Variants in PCSK2 observed in about 807,000 individuals in gnomAD.
The protein encoded by PCSK2 is proprotein convertase subtilisin/kexin type 2, also known as neuroendocrine convertase 2.
A neutral mutation model predicts 69.7 loss-of-function variants in PCSK2; 14 were observed. That is an observed-to-expected ratio of 0.20 (90% CI 0.13 to 0.31). PCSK2 has a LOEUF of 0.31. Ranked by LOEUF, PCSK2 falls within the 10% of genes least tolerant of loss-of-function variation. The pLI, the probability that PCSK2 is intolerant of heterozygous loss-of-function variation, is 1.00. For synonymous variants in PCSK2, 307 were observed against 320.7 expected, an observed-to-expected ratio of 0.96 and a Z score of 0.46; for missense variants, 544 against 842.5, an observed-to-expected ratio of 0.65 and a Z score of 4.39.
At chr20:17,448,942 T>G (rs1338749336) in intron 8 of PCSK2, among the ~76,000 whole-genome samples, 1 of 150,934 alleles carries the variant, frequency 6.6e-6, no homozygotes, top group East Asian at 2.0e-4. Context: ...TGCAGTGGTG[T>G]GATTATAGCT....
chr20:17,312,315 A>G (rs1277154679), intron 2 of PCSK2, among the ~76,000 whole-genome samples: 1 of 152,182 alleles, frequency 6.6e-6, no homozygotes, highest in African/African-American at 2.4e-5. Flanking sequence ...TAATTTCTCT[A>G]GAAGTAAATC....
At chr20:17,275,983 G>T (rs1988058239) in intron 2 of PCSK2, among the ~76,000 whole-genome samples, 1 of 152,026 alleles carries the variant, frequency 6.6e-6, no homozygotes, top group African/African-American at 2.4e-5. Context: ...TATCTGAAAG[G>T]TTGATGTGAG....
chr20:17,409,200 A>C, intron 5 of PCSK2, 63 bp from the exon 6 acceptor site: 1 of 1,242,668 alleles, frequency 8.0e-7, no homozygotes, highest in Non-Finnish European at 1.2e-6. Flanking sequence ...AAAGTCTCCC[A>C]GCGCTTTCCC....
chr20:17,333,725 T>C (rs1990263473), intron 2 of PCSK2, among the ~76,000 whole-genome samples: 1 of 151,952 alleles, frequency 6.6e-6, no homozygotes, highest in Admixed American at 6.6e-5. Flanking sequence ...AAATTCTGCC[T>C]CATCCACTTT....
At chr20:17,463,136 G>C (rs940728868) in intron 10 of PCSK2, among the ~76,000 whole-genome samples, 1 of 151,812 alleles carries the variant, frequency 6.6e-6, no homozygotes, top group Non-Finnish European at 1.5e-5. Flanking sequence ...TCTCTCTCAT[G>C]CTCTCTCTCT....
intron 2 of PCSK2, among the ~76,000 whole-genome samples, chr20:17,288,964 A>G (rs2123061873): frequency 6.6e-6 from 1 of 152,350 alleles, no homozygotes; most frequent in Middle Eastern, 3.4e-3. Flanking sequence ...CGCAAAGGAA[A>G]GCTGCGTTCT....
chr20:17,259,198 G>A (rs1412111684), intron 1 of PCSK2, among the ~76,000 whole-genome samples: 2 of 152,092 alleles, frequency 1.3e-5, no homozygotes, highest in African/African-American at 4.8e-5. Context: ...AATACTTTGA[G>A]TAGTGGAATG....
At chr20:17,388,597 G>A (rs543551623) in intron 5 of PCSK2, among the ~76,000 whole-genome samples, 4 of 152,012 alleles carry the variant, frequency 2.6e-5, no homozygotes, top group South Asian at 2.1e-4. Flanking sequence ...ATCACTTAGC[G>A]CGGGCCTCAT....
Position 17,358,762 on chromosome 20 carries a change from G to T in PCSK2, c.396+322G>T, listed in dbSNP as rs79908417. Reference sequence around the variant, plus strand: ...AAACTATATAAAAGTCAAATCAGAGGTCTGGGAAGAGTAATGCAGGGGTTT... The same window carrying T: ...AAACTATATAAAAGTCAAATCAGAGTTCTGGGAAGAGTAATGCAGGGGTTT... On this transcript the variant is annotated intron_variant, in intron 3 of 11. Coordinates refer to ENST00000262545, the MANE Select transcript of PCSK2 (RefSeq NM_002594.5). Among the ~76,000 whole-genome samples the T allele has an allele frequency of 9.2e-3, 1,408 of 152,306 alleles. 20 individuals are homozygous for T. The highest frequency in any genetic ancestry group is 0.031 in the African/African-American group (1,277 of 41,570).
chr20:17,360,022 C>T (rs775984351), intron 3 of PCSK2, among the ~76,000 whole-genome samples: 3 of 152,172 alleles, frequency 2.0e-5, no homozygotes, highest in Non-Finnish European at 4.4e-5. Context: ...TACTTTTGAA[C>T]AAGACTTAGT....
chr20:17,456,498 A>G (rs1200095561), intron 10 of PCSK2, 50 bp downstream of exon 10: 5 of 986,458 alleles, frequency 5.1e-6, no homozygotes, highest in Non-Finnish European at 6.4e-6. Flanking sequence ...GTGGACTAAC[A>G]CGTGTCTCTC....
intron 9 of PCSK2, among the ~76,000 whole-genome samples, chr20:17,454,657 C>T (rs995363953): frequency 6.6e-6 from 1 of 152,200 alleles, no homozygotes; most frequent in African/African-American, 2.4e-5. Context: ...CTTTTCCTCT[C>T]TGGAGATTTT....
intron 2 of PCSK2, among the ~76,000 whole-genome samples, chr20:17,323,748 T>C (rs1223466492): frequency 6.6e-6 from 1 of 152,238 alleles, no homozygotes; most frequent in Non-Finnish European, 1.5e-5. Flanking sequence ...TTCTACAGCC[T>C]CCAGCCTAGG....
chr20:17,360,656 C>G lies in PCSK2; in HGVS notation c.505+16C>G, dbSNP rs780603801. On this transcript the variant is annotated intron_variant, in intron 4 of 11. Coordinates refer to ENST00000262545, the MANE Select transcript of PCSK2 (RefSeq NM_002594.5). ...ATGGATGATGGTGAGTATTTTGAAG[C>G]CTGTGCCTCATTTGGAAATAAGCGT... 1.2e-5 allele frequency: 18 copies of G among 1,446,090 alleles called. No homozygotes were observed. The African/African-American group carries it at 2.2e-4, about 18-fold the overall frequency. The allele number at this position is 1,446,090 out of a possible 1,614,324, so 89.6% of individuals were successfully genotyped here. A position where few individuals can be genotyped will look rare whatever the true frequency, so the allele number is the denominator to read the frequency against.
chr20:17,462,614 G>C (rs1600599448), intron 10 of PCSK2, among the ~76,000 whole-genome samples: 2 of 152,214 alleles, frequency 1.3e-5, no homozygotes, highest in Non-Finnish European at 1.5e-5. Flanking sequence ...TAGGCTATCA[G>C]CTGGTGGGGA....
intron 3 of PCSK2, among the ~76,000 whole-genome samples, 196 bp from the exon 4 acceptor site, chr20:17,360,336 C>CAAAAA (rs11087204): frequency 6.9e-6 from 1 of 145,138 alleles, no homozygotes; most frequent in Non-Finnish European, 1.5e-5. Flanking sequence ...GTGTTTATAC[C>CAAAAA]AAAAAAAAAA....
chr20:17,398,308 T>C (rs1160438307), intron 5 of PCSK2, among the ~76,000 whole-genome samples: 1 of 152,030 alleles, frequency 6.6e-6, no homozygotes, highest in African/African-American at 2.4e-5. Flanking sequence ...GAGGGTCGCT[T>C]GAGGCCAGGA....
chr20:17,456,198 G>A, intron 9 of PCSK2, 150 bp from the exon 10 acceptor site: 2 of 567,618 alleles, frequency 3.5e-6, no homozygotes, highest in Non-Finnish European at 6.3e-6. Context: ...CCAAGATCAT[G>A]CCACTGCACT....
chr20:17,391,686 A>AC (rs1035132363), intron 5 of PCSK2, among the ~76,000 whole-genome samples: 55 of 152,068 alleles, frequency 3.6e-4, no homozygotes, highest in African/African-American at 1.2e-3. Context: ...AGACAGTGGG[A>AC]CCCCATCTCT....
Sources: gnomAD v4.1 joint callset for allele counts (sites outside exome capture counted in the v4.1 genomes callset) on GRCh38, gnomAD v4.1.1 for gene constraint, MANE v1.5 for transcripts, NCBI Gene and HGNC (gene_info 2026-07-23, HGNC 2026-07-21) for gene names.